IGLON5: variants seen among roughly 807,000 people sequenced by gnomAD.
The protein encoded by IGLON5 is Ig-like domain-containing protein ENSP00000270642.
IGLON5 carries 16 observed loss-of-function variants against 38.2 expected under a neutral mutation model. That is an observed-to-expected ratio of 0.42 (90% CI 0.28 to 0.64). The LOEUF (loss-of-function observed/expected upper bound fraction) is 0.64, where lower values mean the gene tolerates loss of function less well. IGLON5 is among the 30% of genes least tolerant of loss of function. The pLI, the probability that IGLON5 is intolerant of heterozygous loss-of-function variation, is 0.23. For missense variants in IGLON5, 366 were observed against 483.4 expected, an observed-to-expected ratio of 0.76 and a Z score of 2.28; for synonymous variants, 207 against 216.4, an observed-to-expected ratio of 0.96 and a Z score of 0.38.
chr19:51,326,251 T>C (rs78613698), intron 4 of IGLON5, among the ~76,000 whole-genome samples: 34 of 152,232 alleles, frequency 2.2e-4, no homozygotes, highest in African/African-American at 7.0e-4. Flanking sequence ...TGGGAATCTC[T>C]GGATGCCCTA....
rs1233230285 is a variant in IGLON5 at position 51,329,116 on chromosome 19, C to T, written c.*357C>T. The T allele has an allele frequency of 7.5e-6, 1 of 133,580 alleles. No homozygotes were observed. The highest frequency in any genetic ancestry group is 1.6e-5 in the Non-Finnish European group (1 of 64,044). 8.3% of individuals were successfully genotyped at this position (133,580 alleles called of 1,614,324 possible). On this transcript the variant is annotated 3_prime_UTR_variant, in exon 8 of 8. Coordinates refer to ENST00000270642, the MANE Select transcript of IGLON5 (RefSeq NM_001101372.3). The surrounding 1 kb of genome is among the most constrained non-coding windows in gnomAD (Gnocchi z 4.3). ...TGCATGCATGTGTAGGTGTCTGTGT[C>T]TCTGTTTGTGTGTGTGTGGGGGGGT...
At chr19:51,326,974 G>C in intron 5 of IGLON5, 76 bp downstream of exon 5, 1 of 1,575,494 alleles carries the variant, frequency 6.3e-7, no homozygotes, top group Non-Finnish European at 8.6e-7. Context: ...TGGGGGAAGA[G>C]GAAGCGGGGG....
intron 2 of IGLON5, 36 bp from the exon 3 acceptor site, chr19:51,323,626 G>A (rs1985134661): frequency 1.3e-6 from 2 of 1,557,892 alleles, no homozygotes; most frequent in South Asian, 1.2e-5. Context: ...AGGCTGGGTG[G>A]GTGGAGAAAA....
Position 51,327,199 on chromosome 19 carries a change from CT to C in IGLON5, c.767del (p.Leu256ArgfsTer2). 6.2e-7 allele frequency: 1 copy of C among 1,611,216 alleles called. No individual in the cohort carries two copies. Among genetic ancestry groups the C allele is most frequent in the Non-Finnish European group, 8.5e-7 (1 of 1,179,032 alleles). On this transcript the variant is annotated frameshift_variant and splice_region_variant, in exon 6 of 8. Transcript: ENST00000270642. LOFTEE classifies it high-confidence loss of function. This position sits in a 1 kb window ranked among gnomAD's most constrained non-coding sequence, Gnocchi z 7.1. The stretch of plus-strand genomic sequence containing the variant: ...TTTCCAGTGGTACAAGGATGACAGA[CT>C]GTGAGGACAGCACTGAGGGGGCCGT... ...ADFQWYKDDRLLSSGTAEGLK... is the reference protein window; with the variant it reads ...ADFQWYKDDRXLSSGTAEGLK...
chr19:51,315,484 C>T (rs569279808), intron 1 of IGLON5, among the ~76,000 whole-genome samples: 52 of 152,194 alleles, frequency 3.4e-4, no homozygotes, highest in Non-Finnish European at 2.8e-4. Context: ...ACTGTCCTCA[C>T]GGAGCTTAGA....
At chr19:51,313,259 C>CCTGTCT (rs1984814235) in intron 1 of IGLON5, among the ~76,000 whole-genome samples, 2 of 152,326 alleles carry the variant, frequency 1.3e-5, no homozygotes, top group African/African-American at 4.8e-5. Context: ...TTTCTGACCA[C>CCTGTCT]CTGTCTCTGT....
chr19:51,314,141 C>T (rs1015014209), intron 1 of IGLON5, among the ~76,000 whole-genome samples: 32 of 151,668 alleles, frequency 2.1e-4, no homozygotes, highest in African/African-American at 7.5e-4. Context: ...TCTTCTCTCC[C>T]TCCCCTTCTC....
Position 51,330,178 on chromosome 19 carries a change from C to G in IGLON5, c.*1419C>G, listed in dbSNP as rs1985320610. 1 of 150,168 alleles carries G rather than the reference C, an allele frequency of 6.7e-6. No individual in the cohort carries two copies. The allele number at this position is 150,168 out of a possible 1,614,324, so 9.3% of individuals were successfully genotyped here. A position where few individuals can be genotyped will look rare whatever the true frequency, so the allele number is the denominator to read the frequency against. Reference sequence around the variant, plus strand: ...AAAAGGAGAGGGCAAGGCGCAGTGACTGTACCTCAGACGGGGGCATGGGCC... The same window carrying G: ...AAAAGGAGAGGGCAAGGCGCAGTGAGTGTACCTCAGACGGGGGCATGGGCC... On this transcript the variant is annotated 3_prime_UTR_variant, in exon 8 of 8. Coordinates refer to ENST00000270642, the MANE Select transcript of IGLON5 (RefSeq NM_001101372.3).
chr19:51,322,141 A>G lies in IGLON5; in HGVS notation c.157A>G (p.Ser53Gly). 6.2e-7 allele frequency: 1 copy of G among 1,610,602 alleles called. No individual in the cohort carries two copies. Reference protein sequence around the residue: ...TVCEGDNATLSCFIDEHVTRV... With the variant: ...TVCEGDNATLGCFIDEHVTRV... Reference sequence around the variant, plus strand: ...GTGTGAAGGTGACAACGCCACCCTCAGGTACCTCCCTCGGTGGGTGGGGAC... The same window carrying G: ...GTGTGAAGGTGACAACGCCACCCTCGGGTACCTCCCTCGGTGGGTGGGGAC... The change falls in exon 2 of 8, where the codon AGC becomes GGC. Residue 53 changes from serine (S) to glycine (G), a missense_variant and splice_region_variant. Transcript: ENST00000270642.
chr19:51,325,253 G>A lies in IGLON5; in HGVS notation c.392-93G>A. 6.5e-7 allele frequency: 1 copy of A among 1,535,752 alleles called. No individual in the cohort carries two copies. Among genetic ancestry groups the A allele is most frequent in the Non-Finnish European group, 8.8e-7 (1 of 1,136,418 alleles). ...ACTCCTGGGTCTGAGGGAGGAGGAG[G>A]GGCTGGGGGTCTGGACTCCTGGGTC... On this transcript the variant is annotated intron_variant, in intron 3 of 7. Coordinates refer to ENST00000270642, the MANE Select transcript of IGLON5 (RefSeq NM_001101372.3). The surrounding 1 kb of genome is among the most constrained non-coding windows in gnomAD (Gnocchi z 5.5).
intron 2 of IGLON5, among the ~76,000 whole-genome samples, chr19:51,322,601 T>TCTCTCTCTCTCTCGCTTG (rs1985094975): frequency 2.4e-3 from 1 of 424 alleles, no homozygotes; most frequent in Admixed American, 0.038. Flanking sequence ...TCTCGCTTGC[T>TCTCTCTCTCTCTCGCTTG]CTCTCTCTCT....
chr19:51,313,597 C>G (rs1329885788), intron 1 of IGLON5, among the ~76,000 whole-genome samples: 1 of 148,272 alleles, frequency 6.7e-6, no homozygotes, highest in Non-Finnish European at 1.5e-5. Context: ...CCTTCTTTCT[C>G]TTTCCTTCTT....
intron 1 of IGLON5, 117 bp downstream of exon 1, chr19:51,312,043 CG>C: frequency 4.2e-6 from 2 of 473,542 alleles, no homozygotes; most frequent in Non-Finnish European, 6.4e-6. Context: ...GGGGAGGCCC[CG>C]GGACGCCGGG....
chr19:51,320,329 G>C (rs978144440), intron 1 of IGLON5, among the ~76,000 whole-genome samples: 2 of 152,226 alleles, frequency 1.3e-5, no homozygotes, highest in African/African-American at 4.8e-5. Flanking sequence ...AGTCATTGGG[G>C]CAGCACGGGC....
chr19:51,322,009 C>A, intron 1 of IGLON5, 55 bp from the exon 2 acceptor site: 1 of 1,425,970 alleles, frequency 7.0e-7, no homozygotes, highest in Non-Finnish European at 9.9e-7. Flanking sequence ...GCAGGTGCTA[C>A]CATGCCCGGG....
intron 1 of IGLON5, among the ~76,000 whole-genome samples, chr19:51,319,413 GAC>G (rs966975358): frequency 1.3e-5 from 2 of 152,070 alleles, no homozygotes; most frequent in Admixed American, 6.5e-5. Flanking sequence ...GAGGGGATGT[GAC>G]AGTGTTGCTG....
chr19:51,315,792 T>A (rs1168786463), intron 1 of IGLON5, among the ~76,000 whole-genome samples: 1 of 146,294 alleles, frequency 6.8e-6, no homozygotes. Context: ...GCCTCCTGGG[T>A]TCACACCATT....
At chr19:51,326,543 T>C (rs1436543158) in intron 4 of IGLON5, among the ~76,000 whole-genome samples, 2 of 152,010 alleles carry the variant, frequency 1.3e-5, no homozygotes, top group Admixed American at 6.6e-5. Flanking sequence ...CCCACTGGGT[T>C]CCAGGAACTG....
Position 51,327,781 on chromosome 19 carries a change from C to G in IGLON5, c.817C>G (p.Arg273Gly), listed in dbSNP as rs753144563. 2 of 1,573,388 alleles carry G rather than the reference C, an allele frequency of 1.3e-6. No homozygotes were observed. The highest frequency in any genetic ancestry group is 2.7e-5 in the African/African-American group (2 of 73,882). ...CCTGAAGGTGCAGACGGAGCGCACC[C>G]GCTCGATGCTTCTCTTTGCCAACGT... ...EGLKVQTERT[R>G]SMLLFANVSA... Residue 273 changes from arginine (R) to glycine (G), a missense_variant, in exon 7 of 8, where the codon CGC becomes GGC. Arg to Gly is a moderately radical substitution (Grantham distance 125). Transcript: ENST00000270642. The surrounding 1 kb of genome is among the most constrained non-coding windows in gnomAD (Gnocchi z 7.1).
Sources: allele counts gnomAD v4.1 joint callset (sites outside exome capture counted in the v4.1 genomes callset), GRCh38; gene constraint gnomAD v4.1.1; non-coding constraint Gnocchi (gnomAD v3.1); transcripts MANE v1.5; gene names NCBI Gene and HGNC (gene_info 2026-07-23, HGNC 2026-07-21).